Variants in MEIS2 observed in about 807,000 individuals in gnomAD.
The protein encoded by MEIS2 is Meis homeobox 2, also known as homeobox protein Meis2.
Under a neutral mutation model 58.6 loss-of-function variants are expected in MEIS2, and 9 were observed. That is an observed-to-expected ratio of 0.15 (90% CI 0.09 to 0.27). The LOEUF is 0.27. Ranked by LOEUF, MEIS2 falls within the 10% of genes least tolerant of loss-of-function variation. The pLI is 1.00. For missense variants in MEIS2, 427 were observed against 635.0 expected, an observed-to-expected ratio of 0.67 and a Z score of 3.52; for synonymous variants, 221 against 228.4, an observed-to-expected ratio of 0.97 and a Z score of 0.29.
At chr15:37,073,389 C>T (rs963984035) in intron 7 of MEIS2, among the ~76,000 whole-genome samples, 1 of 151,952 alleles carries the variant, frequency 6.6e-6, no homozygotes, top group African/African-American at 2.4e-5. Flanking sequence ...TGGTACTCCC[C>T]CCACCACCAC....
Position 37,096,449 on chromosome 15 carries a change from C to A in MEIS2, c.246-19G>T. On this transcript the variant is annotated intron_variant, in intron 2 of 11. Transcript: ENST00000561208. ...CGGGTGCCTAACGGGCAGCGCCACG[C>A]AGAGACACACACACAGAGACGGGGT... is the stretch of plus-strand genomic sequence containing the variant. The A allele has an allele frequency of 6.2e-7, 1 of 1,610,276 alleles. No individual in the cohort carries two copies.
intron 4 of MEIS2, chr15:37,095,003 A>G (rs1408405100): frequency 6.3e-6 from 1 of 157,954 alleles, no homozygotes; most frequent in Non-Finnish European, 1.4e-5. Context: ...TTAGAACAGC[A>G]TACCCAGCGA....
At chr15:37,054,799 T>C (rs571364707) in intron 7 of MEIS2, among the ~76,000 whole-genome samples, 13 of 152,374 alleles carry the variant, frequency 8.5e-5, no homozygotes, top group African/African-American at 3.1e-4. Flanking sequence ...CTGTCAATTC[T>C]AATTTCAAAT....
intron 8 of MEIS2, among the ~76,000 whole-genome samples, chr15:36,996,046 C>T (rs183303899): frequency 0.042 from 4,053 of 97,590 alleles, 164 homozygotes; most frequent in Admixed American, 0.14. Context: ...CACACACACA[C>T]ATATATATAT....
intron 9 of MEIS2, among the ~76,000 whole-genome samples, chr15:36,911,349 C>T (rs868126468): frequency 6.6e-6 from 1 of 151,324 alleles, no homozygotes; most frequent in African/African-American, 2.4e-5. Flanking sequence ...TTTTCAATAC[C>T]TTCTGGATGT....
At chr15:36,893,977 T>G (rs2056029661) in intron 11 of MEIS2, among the ~76,000 whole-genome samples, 1 of 152,076 alleles carries the variant, frequency 6.6e-6, no homozygotes, top group Non-Finnish European at 1.5e-5. Context: ...AGACTCTGAA[T>G]TTTTTTCAGA....
rs145410702 is a variant in MEIS2 at position 36,933,021 on chromosome 15, C to T, written c.977+17303G>A. Among the ~76,000 whole-genome samples, 666 of 152,252 alleles carry T rather than the reference C, an allele frequency of 4.4e-3. 6 individuals carry two copies. Among genetic ancestry groups the T allele is most frequent in the African/African-American group, 0.015 (627 of 41,550 alleles). Reference sequence around the variant, plus strand: ...TAGCCCATTAGTTTGACATGAAACACACGCTATGTTTGGGCCCCCTTCTCT... The same window carrying T: ...TAGCCCATTAGTTTGACATGAAACATACGCTATGTTTGGGCCCCCTTCTCT... On this transcript the variant is annotated intron_variant, in intron 9 of 11. Coordinates refer to ENST00000561208, the MANE Select transcript of MEIS2 (RefSeq NM_170675.5).
At chr15:36,949,576 A>G (rs2058685699) in intron 9 of MEIS2, among the ~76,000 whole-genome samples, 1 of 152,032 alleles carries the variant, frequency 6.6e-6, no homozygotes, top group South Asian at 2.1e-4. Context: ...CTTTCCCTGA[A>G]TTTTGAAAGA....
At chr15:36,949,786 C>A (rs1008282400) in intron 9 of MEIS2, among the ~76,000 whole-genome samples, 1 of 152,036 alleles carries the variant, frequency 6.6e-6, no homozygotes, top group Admixed American at 6.6e-5. Context: ...ATGGTCCATA[C>A]ACCAGCACGG....
rs561523571 is a variant in MEIS2 at position 36,996,378 on chromosome 15, T to G, written c.900+40436A>C. 3.3e-5 allele frequency among the ~76,000 whole-genome samples: 5 copies of G among 152,242 alleles called. No individual in the cohort carries two copies. The East Asian group carries it at 7.8e-4, about 24-fold the overall frequency. The stretch of plus-strand genomic sequence containing the variant: ...GGAACCAATGGCTCCTGGTGACAAT[T>G]TGCAGAGCTGCCACTAGTCAAACTG... On this transcript the variant is annotated intron_variant, in intron 8 of 11. Transcript: ENST00000561208.
At chr15:36,962,329 A>G (rs1754688442) in intron 8 of MEIS2, among the ~76,000 whole-genome samples, 1 of 152,206 alleles carries the variant, frequency 6.6e-6, no homozygotes, top group South Asian at 2.1e-4. Context: ...TTTCATCTGA[A>G]ACAAGGTATC....
chr15:36,919,878 G>A (rs2057427192), intron 9 of MEIS2, among the ~76,000 whole-genome samples: 1 of 152,152 alleles, frequency 6.6e-6, no homozygotes, highest in South Asian at 2.1e-4. Flanking sequence ...TCCTTCCACT[G>A]ACATGGATGA....
intron 8 of MEIS2, among the ~76,000 whole-genome samples, chr15:36,954,101 A>G (rs1305755017): frequency 6.6e-6 from 1 of 152,182 alleles, no homozygotes; most frequent in African/African-American, 2.4e-5. Flanking sequence ...CAATGAATGA[A>G]AAAGCTAGTA....
chr15:36,947,689 C>A (rs1465952237), intron 9 of MEIS2, among the ~76,000 whole-genome samples: 3 of 151,898 alleles, frequency 2.0e-5, no homozygotes, highest in African/African-American at 7.2e-5. Context: ...GAGAAGTGGG[C>A]ATTATTTCCT....
chr15:36,949,522 T>C (rs957234651), intron 9 of MEIS2, among the ~76,000 whole-genome samples: 4 of 152,044 alleles, frequency 2.6e-5, no homozygotes, highest in African/African-American at 9.7e-5. Context: ...AAAATGGAGT[T>C]CCATGTAATT....
At chr15:36,906,158 T>C (rs2056725234) in intron 9 of MEIS2, among the ~76,000 whole-genome samples, 2 of 152,184 alleles carry the variant, frequency 1.3e-5, no homozygotes. Flanking sequence ...CTGGAAAACA[T>C]GGCTATGATT....
At chr15:37,079,900 C>T (rs186708692) in intron 7 of MEIS2, among the ~76,000 whole-genome samples, 7 of 151,990 alleles carry the variant, frequency 4.6e-5, no homozygotes, top group Non-Finnish European at 8.8e-5. Context: ...GTATGGTTAA[C>T]GTGCGTGTGG....
At chr15:36,946,243 T>C (rs1278856889) in intron 9 of MEIS2, among the ~76,000 whole-genome samples, 3 of 151,904 alleles carry the variant, frequency 2.0e-5, no homozygotes, top group Non-Finnish European at 4.4e-5. Context: ...GATTTCCTCA[T>C]TTAAAAAATA....
At position 36,896,653 on chromosome 15, in the gene MEIS2, G is replaced by A. The variant is rs773704840; in HGVS notation, c.1011C>T (p.Pro337=). The change falls in exon 10 of 12, where the codon CCC becomes CCT. Residue 337 remains proline (P), a synonymous_variant. Transcript: ENST00000561208. ...FINARRRIVQ[P]MIDQSNRAGF... Reference sequence around the variant, plus strand: ...CTGCTCGATTTGACTGGTCAATCATGGGCTGTACTATTCTTCTTCTGGCAT... The same window carrying A: ...CTGCTCGATTTGACTGGTCAATCATAGGCTGTACTATTCTTCTTCTGGCAT... 1.2e-6 allele frequency: 2 copies of A among 1,613,862 alleles called. No homozygotes were observed. The highest frequency in any genetic ancestry group is 1.7e-5 in the Admixed American group (1 of 59,990).
Sources: allele counts gnomAD v4.1 joint callset (sites outside exome capture counted in the v4.1 genomes callset), GRCh38; gene constraint gnomAD v4.1.1; transcripts MANE v1.5; gene names NCBI Gene and HGNC (gene_info 2026-07-23, HGNC 2026-07-21).